Variants in ZNF710 observed in about 807,000 individuals in gnomAD.
The protein encoded by ZNF710 is zinc finger protein 710.
In ZNF710, 13 loss-of-function variants were observed where a neutral mutation model predicts 50.6. The ratio of observed to expected loss-of-function variants is 0.26; its 90% CI spans 0.17 to 0.41. ZNF710 has a LOEUF of 0.41. ZNF710 is among the 10% of genes least tolerant of loss of function. The probability of loss-of-function intolerance (pLI) is 1.00; values close to 1 mark genes in which losing one functional copy is unlikely to be tolerated. For synonymous variants in ZNF710, 383 were observed against 397.0 expected (o/e 0.96, Z 0.42); for missense variants, 721 against 936.6 (o/e 0.77, Z 3.01).
chr15:90,051,485 T>C (rs1397918105), intron 1 of ZNF710, among the ~76,000 whole-genome samples: 1 of 151,460 alleles, frequency 6.6e-6, no homozygotes, highest in Non-Finnish European at 1.5e-5. Flanking sequence ...ATACAAAAAT[T>C]AGCTGGGTGT....
intron 1 of ZNF710, among the ~76,000 whole-genome samples, chr15:90,056,783 TA>T (rs1244624723): frequency 2.0e-5 from 3 of 152,230 alleles, no homozygotes; most frequent in African/African-American, 7.2e-5. Context: ...ATGTGCTTTT[TA>T]TGCAGCTCTG....
rs752291777 is a variant in ZNF710 at position 90,068,181 on chromosome 15, C to T, written c.1044C>T (p.Thr348=). The T allele has an allele frequency of 4.3e-6, 7 of 1,614,108 alleles. No individual in the cohort carries two copies. Among genetic ancestry groups the T allele is most frequent in the Non-Finnish European group, 4.2e-6 (5 of 1,180,042 alleles). The change falls in exon 2 of 5, where the codon ACC becomes ACT. Residue 348 remains threonine (T), a synonymous_variant. Coordinates refer to ENST00000268154, the MANE Select transcript of ZNF710 (RefSeq NM_198526.4). This position sits in a 1 kb window ranked among gnomAD's most constrained non-coding sequence, Gnocchi z 5.0. The part of the protein sequence containing the change: ...LQTHLLTHQG[T]RPHKCQVCHK... ...CGCACCTGCTGACGCACCAGGGCAC[C>T]CGGCCCCACAAGTGCCAGGTATGCC...
At chr15:90,016,370 C>A (rs556637021) in intron 1 of ZNF710, among the ~76,000 whole-genome samples, 1 of 152,256 alleles carries the variant, frequency 6.6e-6, no homozygotes, top group Non-Finnish European at 1.5e-5. Flanking sequence ...GCCTTGGAAC[C>A]TGGCATTGAA....
At chr15:90,020,489 C>A (rs901669028) in intron 1 of ZNF710, among the ~76,000 whole-genome samples, 4 of 30,360 alleles carry the variant, frequency 1.3e-4, no homozygotes, top group South Asian at 5.8e-4. Flanking sequence ...TGCCTCCCCG[C>A]CCCCGGGGAG....
At chr15:90,066,547 G>A (rs1339689513) in intron 1 of ZNF710, among the ~76,000 whole-genome samples, 6 of 142,984 alleles carry the variant, frequency 4.2e-5, no homozygotes, top group Non-Finnish European at 7.5e-5. Context: ...GCGCGATCTC[G>A]GCTCACTGCA....
chr15:90,019,567 G>T (rs1443117642), intron 1 of ZNF710, among the ~76,000 whole-genome samples: 2 of 152,172 alleles, frequency 1.3e-5, no homozygotes, highest in African/African-American at 4.8e-5. Flanking sequence ...TTTAAACATG[G>T]TTGTGAGTCT....
intron 1 of ZNF710, among the ~76,000 whole-genome samples, chr15:90,054,280 G>T (rs1324958156): frequency 6.6e-6 from 1 of 152,162 alleles, no homozygotes; most frequent in African/African-American, 2.4e-5. Flanking sequence ...AAGGAGGGGA[G>T]GAATGGAGGG....
intron 1 of ZNF710, among the ~76,000 whole-genome samples, chr15:90,054,488 G>A (rs575262401): frequency 4.6e-5 from 7 of 152,280 alleles, no homozygotes; most frequent in East Asian, 1.9e-4. Flanking sequence ...GCTGGGTCTC[G>A]GCCCTGGGCC....
rs961974214 is a variant in ZNF710, at chr15:90,010,756, T to A, written c.-29+9142T>A. ...GAAACTCATATACTCTTTTTAAAAA[T>A]TTTTTATTTTTAGAGAAAGGATCTT... is the stretch of plus-strand genomic sequence containing the variant. On this transcript the variant is annotated intron_variant, in intron 1 of 4. Transcript: ENST00000268154. 7.2e-5 allele frequency among the ~76,000 whole-genome samples: 11 copies of A among 152,136 alleles called. No individual in the cohort carries two copies. In the South Asian group the frequency reaches 1.7e-3, roughly 23 times the overall value.
intron 1 of ZNF710, among the ~76,000 whole-genome samples, chr15:90,018,028 A>G (rs1278358874): frequency 6.6e-6 from 1 of 152,030 alleles, no homozygotes; most frequent in South Asian, 2.1e-4. Flanking sequence ...CCTACCCAGC[A>G]TTCTGCTCCA....
At chr15:90,033,808 T>C (rs1369999516) in intron 1 of ZNF710, among the ~76,000 whole-genome samples, 1 of 152,226 alleles carries the variant, frequency 6.6e-6, no homozygotes, top group Admixed American at 6.5e-5. Context: ...GTTTAAGAGA[T>C]GGCCTTCTGA....
At chr15:90,060,036 G>T (rs73486388) in intron 1 of ZNF710, among the ~76,000 whole-genome samples, 1 of 151,440 alleles carries the variant, frequency 6.6e-6, no homozygotes, top group East Asian at 1.9e-4. Context: ...CCCCCTCCCC[G>T]CTCTTGCTCT....
At chr15:90,017,965 T>A (rs899301788) in intron 1 of ZNF710, among the ~76,000 whole-genome samples, 3 of 150,934 alleles carry the variant, frequency 2.0e-5, no homozygotes, top group Non-Finnish European at 4.4e-5. Flanking sequence ...AGGGCATCTC[T>A]CTTAGCAAAG....
intron 1 of ZNF710, among the ~76,000 whole-genome samples, chr15:90,065,708 G>A (rs1037976692): frequency 6.6e-6 from 1 of 152,208 alleles, no homozygotes; most frequent in Non-Finnish European, 1.5e-5. Flanking sequence ...TGTGCTGGGG[G>A]TTTGTACCTG....
chr15:90,046,502 G>A (rs796864440), intron 1 of ZNF710, among the ~76,000 whole-genome samples: 39 of 152,248 alleles, frequency 2.6e-4, no homozygotes, highest in African/African-American at 9.4e-4. Flanking sequence ...GCGGAGGGAC[G>A]AGTCAGTGCC....
At chr15:90,043,586 C>G (rs541678038) in intron 1 of ZNF710, among the ~76,000 whole-genome samples, 1 of 152,222 alleles carries the variant, frequency 6.6e-6, no homozygotes, top group Non-Finnish European at 1.5e-5. Flanking sequence ...AATTAACTTG[C>G]AGTGCTCAGC....
rs184327487 is a variant in ZNF710 at position 90,025,875 on chromosome 15, A to G, written c.-29+24261A>G. Reference sequence around the variant, plus strand: ...ATTGCTATTGGTTCAAGGAAGAAATAAAGAATGTACTGACAAATATTTAGA... The same window carrying G: ...ATTGCTATTGGTTCAAGGAAGAAATGAAGAATGTACTGACAAATATTTAGA... On this transcript the variant is annotated intron_variant, in intron 1 of 4. Transcript: ENST00000268154. 12 of 152,358 alleles carry G rather than the reference A, an allele frequency of 7.9e-5. No individual in the cohort carries two copies. The East Asian group carries it at 1.9e-3, about 24-fold the overall frequency. The allele number at this position is 152,358 out of a possible 1,614,324, so 9.4% of individuals were successfully genotyped here.
chr15:90,001,809 C>G (rs1201328971), intron 1 of ZNF710, among the ~76,000 whole-genome samples, 195 bp downstream of exon 1: 3 of 145,616 alleles, frequency 2.1e-5, no homozygotes, highest in Non-Finnish European at 4.6e-5. Context: ...CCTTTCACTT[C>G]CACATTCCCT....
At chr15:90,020,483 T>TC (rs398043557) in intron 1 of ZNF710, among the ~76,000 whole-genome samples, 16 of 98,464 alleles carry the variant, frequency 1.6e-4, no homozygotes, top group African/African-American at 6.2e-4. Flanking sequence ...CCGAACTGCC[T>TC]CCCCGCCCCC....
Sources: allele counts gnomAD v4.1 joint callset (sites outside exome capture counted in the v4.1 genomes callset), GRCh38; gene constraint gnomAD v4.1.1; non-coding constraint Gnocchi (gnomAD v3.1); transcripts MANE v1.5; gene names NCBI Gene and HGNC (gene_info 2026-07-23, HGNC 2026-07-21).